Variants in TTN observed in about 807,000 individuals in gnomAD.
TTN encodes the protein titin.
TTN carries 1,525 observed loss-of-function variants against 3,223.0 expected under a neutral mutation model. The ratio of observed to expected loss-of-function variants is 0.47; its 90% CI spans 0.45 to 0.49. The LOEUF (loss-of-function observed/expected upper bound fraction) is 0.49, where lower values mean the gene tolerates loss of function less well. Among genes scored for constraint, TTN ranks in the 20% least tolerant of loss-of-function variants. TTN has a pLI of 0.00. For synonymous variants in TTN, 14,094 were observed against 15,161.0 expected, an observed-to-expected ratio of 0.93 and a Z score of 5.17; for missense variants, 40,786 against 43,424.0, an observed-to-expected ratio of 0.94 and a Z score of 5.40.
At chr2:178,625,203 A>G in intron 241 of TTN, 70 bp downstream of exon 241, 1 of 1,531,922 alleles carries the variant, frequency 6.5e-7, no homozygotes, top group Non-Finnish European at 8.8e-7. Flanking sequence ...TCATATAAAG[A>G]TAATTGAGAG....
At position 178,771,436 on chromosome 2, in the gene TTN, C is replaced by T. The variant is rs766753906; in HGVS notation, c.7891G>A (p.Val2631Ile). 49 of 1,613,776 alleles carry T rather than the reference C, an allele frequency of 3.0e-5. No homozygotes were observed. The highest frequency in any genetic ancestry group is 1.5e-4 in the African/African-American group (11 of 74,898). ...AISKPLTDQT[V>I]AESQEAVFEC... ...AACACAGCTTCCTGGGATTCAGCTA[C>T]GGTCTGATCTGTGAGTGGCTTGGAG... Residue 2631 changes from valine to isoleucine, a missense_variant, in exon 34 of 363, where the codon GTA (valine) becomes ATA (isoleucine). Val to Ile is a conservative substitution (Grantham distance 29). Coordinates refer to ENST00000589042, the MANE Select transcript of TTN (RefSeq NM_001267550.2).
At chr2:178,550,649 TAAC>T (rs1699047992) in intron 336 of TTN, 1 of 418,620 alleles carries the variant, frequency 2.4e-6, no homozygotes, top group East Asian at 5.1e-5. Context: ...TGTATTTTAA[TAAC>T]TTCAGTAAAG....
Position 178,779,446 on chromosome 2 carries a change from G to A in TTN, c.3746C>T (p.Ser1249Phe). Residue 1249 changes from serine to phenylalanine, a missense_variant, in exon 23 of 363, where the codon TCC becomes TTC. Coordinates refer to ENST00000589042, the MANE Select transcript of TTN (RefSeq NM_001267550.2). ...TTCTTTAATAAGTCTCTCTTCAAAGGAAGAAATATGGAATTCCTATGCAAA... is the reference window on the plus strand; with the variant it reads ...TTCTTTAATAAGTCTCTCTTCAAAGAAAGAAATATGGAATTCCTATGCAAA... Reference protein sequence around the residue: ...YVEDQEFHISSFEERLIKEIE... With the variant: ...YVEDQEFHISFFEERLIKEIE... 6.5e-7 allele frequency: 1 copy of A among 1,540,444 alleles called. No homozygotes were observed. Among genetic ancestry groups the A allele is most frequent in the South Asian group, 1.1e-5 (1 of 88,152 alleles).
At position 178,732,061 on chromosome 2, in the gene TTN, C is replaced by A. The variant is rs1448206134; in HGVS notation, c.16903+5G>T. ...GGCAACACAAGAGGCAAAGTGAACA[C>A]AAACCTTTGACTATTACAATGCTAC... is the stretch of plus-strand genomic sequence containing the variant. On this transcript the variant is annotated splice_donor_5th_base_variant and intron_variant, in intron 57 of 362. Coordinates refer to ENST00000589042, the MANE Select transcript of TTN (RefSeq NM_001267550.2). 1.3e-6 allele frequency: 2 copies of A among 1,596,360 alleles called. No individual in the cohort carries two copies. The highest frequency in any genetic ancestry group is 1.1e-5 in the South Asian group (1 of 88,474).
rs1175214219 is a variant in TTN, at chr2:178,635,982, T to C, written c.41589A>G (p.Ser13863=). ...TVENANNLEC[S]SCVKVVEVIR... is the part of the protein sequence containing the mutation. ...ACTAACCTACTACTTTTACGCAAGATGAACACTCCAGGTTGTTGGCGTTTT... is the reference window on the plus strand; with the variant it reads ...ACTAACCTACTACTTTTACGCAAGACGAACACTCCAGGTTGTTGGCGTTTT... Residue 13863 remains serine (S), a synonymous_variant, in exon 226 of 363, where the codon TCA becomes TCG. Coordinates refer to ENST00000589042, the MANE Select transcript of TTN (RefSeq NM_001267550.2). 1.9e-6 allele frequency: 3 copies of C among 1,602,202 alleles called. No homozygotes were observed. The Admixed American group carries it at 5.1e-5, about 27-fold the overall frequency.
rs935055445 is a variant in TTN, at chr2:178,535,006, G to C, written c.101609C>G (p.Ala33870Gly). The C allele has an allele frequency of 4.3e-6, 7 of 1,613,756 alleles. No homozygotes were observed. The highest frequency in any genetic ancestry group is 5.9e-6 in the Non-Finnish European group (7 of 1,179,836). Residue 33870 changes from alanine to glycine, a missense_variant, in exon 358 of 363, where the codon GCT (alanine) becomes GGT (glycine). Ala to Gly is a moderately conservative substitution (Grantham distance 60). Coordinates refer to ENST00000589042, the MANE Select transcript of TTN (RefSeq NM_001267550.2). ...GAGGTGTAAGATGTTTCTATGCCTA[G>C]CAATATTCAGAATGGAAATTTCCTT... The part of the protein sequence containing the change: ...VKKEISILNI[A>G]RHRNILHLHE...
chr2:178,748,901 C>T lies in TTN; in HGVS notation c.11311+4223G>A, dbSNP rs185197881. The T allele has an allele frequency of 3.1e-6, 5 of 1,612,420 alleles. No individual in the cohort carries two copies. In the African/African-American group the frequency reaches 4.0e-5, roughly 13 times the overall value. On this transcript the variant is annotated intron_variant, in intron 47 of 362. Transcript: ENST00000589042. ...ATTTAGATTGCTTGATCTTGATTCT[C>T]TTTGCTTTAATGAAAAGGCTTTGTC...
intron 313 of TTN, 157 bp downstream of exon 313, chr2:178,582,783 T>C (rs2048080561): frequency 3.2e-6 from 3 of 928,300 alleles, no homozygotes. Flanking sequence ...CTAAAGCTCT[T>C]TTTAACTCTA....
In TTN at chr2:178,680,271, ACTT is replaced by A; in HGVS notation, c.33398_33400del (p.Glu11133del). 1.9e-6 allele frequency: 3 copies of A among 1,611,948 alleles called. No homozygotes were observed. Among genetic ancestry groups the A allele is most frequent in the Non-Finnish European group, 2.5e-6 (3 of 1,179,066 alleles). ...TTAGGTACCTCTAACAGGTGGTGCTACTTCTTTTCTAGGGACAGGTACTTTTTC... is the reference window on the plus strand; with the variant it reads ...TTAGGTACCTCTAACAGGTGGTGCTACTTTTCTAGGGACAGGTACTTTTTC... On this transcript the variant is annotated inframe_deletion, in exon 139 of 363. Transcript: ENST00000589042.
intron 244 of TTN, 41 bp from the exon 245 acceptor site, chr2:178,621,782 T>C (rs369244500): frequency 1.1e-5 from 17 of 1,608,350 alleles, no homozygotes; most frequent in African/African-American, 5.4e-5. Context: ...TGAGTTAAGC[T>C]GGAAATTATT....
rs754636426 is a variant in TTN at position 178,620,387 on chromosome 2, A to G, written c.46134T>C (p.Asp15378=). 4.3e-6 allele frequency: 7 copies of G among 1,611,944 alleles called. No individual in the cohort carries two copies. The African/African-American group carries it at 9.4e-5, about 22-fold the overall frequency. Residue 15378 remains aspartate, a synonymous_variant, in exon 248 of 363, where the codon GAT becomes GAC. Transcript: ENST00000589042. ...EGEYIVTAGQ[D]KSVAELLIIE... ...TGATGAGAAGCTCAGCAACAGATTTATCTTGTCCAGCAGTGACAATGTATT... is the reference window on the plus strand; with the variant it reads ...TGATGAGAAGCTCAGCAACAGATTTGTCTTGTCCAGCAGTGACAATGTATT...
chr2:178,774,844 T>C, intron 29 of TTN, 77 bp downstream of exon 29: 1 of 1,547,570 alleles, frequency 6.5e-7, no homozygotes, highest in Non-Finnish European at 8.8e-7. Context: ...AAAGAAAAAT[T>C]GCATAGCTAA....
Position 178,723,611 on chromosome 2 carries a change from G to C in TTN, c.21489C>G (p.Thr7163=), listed in dbSNP as rs376882041. The C allele has an allele frequency of 1.2e-4, 190 of 1,612,960 alleles. No individual in the cohort carries two copies. In the African/African-American group the frequency reaches 2.1e-3, roughly 17 times the overall value. ...NVTFTSVIRG[T]PPFKVNWFRG... Reference sequence around the variant, plus strand: ...TGAACCAGTTGACTTTGAATGGAGGGGTTCCTCTAATAACGCTTGTGAAGG... The same window carrying C: ...TGAACCAGTTGACTTTGAATGGAGGCGTTCCTCTAATAACGCTTGTGAAGG... Residue 7163 remains threonine (T), a synonymous_variant, in exon 74 of 363, where the codon ACC becomes ACG. Transcript: ENST00000589042.
Position 178,551,162 on chromosome 2 carries a change from A to G in TTN, c.91369T>C (p.Tyr30457His). 1 of 1,613,634 alleles carries G rather than the reference A, an allele frequency of 6.2e-7. No homozygotes were observed. Among genetic ancestry groups the G allele is most frequent in the African/African-American group, 1.3e-5 (1 of 75,016 alleles). The change falls in exon 336 of 363, where the codon TAT (tyrosine) becomes CAT (histidine). Residue 30457 changes from tyrosine (Y) to histidine (H), a missense_variant. Tyr to His is a moderately conservative substitution (Grantham distance 83, BLOSUM62 2). Coordinates refer to ENST00000589042, the MANE Select transcript of TTN (RefSeq NM_001267550.2). ...TTTCCTTGCCGTTTCTCAATGCTATAGCCCACAATCTTACTGCCTCCATCA... is the reference window on the plus strand; with the variant it reads ...TTTCCTTGCCGTTTCTCAATGCTATGGCCCACAATCTTACTGCCTCCATCA... ...LRDGGSKIVGYSIEKRQGNER... is the reference protein window; with the variant it reads ...LRDGGSKIVGHSIEKRQGNER...
Position 178,589,333 on chromosome 2 carries a change from A to G in TTN, c.62392T>C (p.Phe20798Leu). 9 of 1,612,872 alleles carry G rather than the reference A, an allele frequency of 5.6e-6. No homozygotes were observed. Among genetic ancestry groups the G allele is most frequent in the Non-Finnish European group, 7.6e-6 (9 of 1,179,222 alleles). Residue 20798 changes from phenylalanine (F) to leucine (L), a missense_variant, in exon 304 of 363, where the codon TTC becomes CTC. Phe to Leu is a conservative substitution (Grantham distance 22). Coordinates refer to ENST00000589042, the MANE Select transcript of TTN (RefSeq NM_001267550.2). ...RLEAGVRGKP[F>L]PEVAWTKDKD... ...TCCTTGGTCCATGCAACTTCTGGGA[A>G]TGGTTTGCCTCTAACCCCTGCCTCA...
rs1407977080 is a variant in TTN, at chr2:178,663,880, A to G, written c.36387T>C (p.Val12129=). 2 of 1,613,458 alleles carry G rather than the reference A, an allele frequency of 1.2e-6. No homozygotes were observed. Among genetic ancestry groups the G allele is most frequent in the African/African-American group, 1.3e-5 (1 of 75,048 alleles). Residue 12129 remains valine, a synonymous_variant, in exon 170 of 363, where the codon GTT becomes GTC. Coordinates refer to ENST00000589042, the MANE Select transcript of TTN (RefSeq NM_001267550.2). The part of the protein sequence containing the change: ...PVKVPEASKE[V]IREEKVPLAP... Reference sequence around the variant, plus strand: ...CCAAGGGCACTTTCTCTTCGCGGATAACCTCTTTGGAAGCTTCTGGCACTT... The same window carrying G: ...CCAAGGGCACTTTCTCTTCGCGGATGACCTCTTTGGAAGCTTCTGGCACTT...
chr2:178,551,119 C>T lies in TTN; in HGVS notation c.91412G>A (p.Cys30471Tyr). The change falls in exon 336 of 363, where the codon TGC (cysteine) becomes TAC (tyrosine). Residue 30471 changes from cysteine (C) to tyrosine (Y), a missense_variant. Physicochemically the swap from Cys to Tyr is radical, Grantham distance 194. Transcript: ENST00000589042. The stretch of plus-strand genomic sequence containing the variant: ...ACATTCACTGACGTCAGTAAAGTTG[C>T]ATCTCACCCAGCGTTCATTTCCTTG... ...KRQGNERWVR[C>Y]NFTDVSECQY... is the part of the protein sequence containing the mutation. The T allele has an allele frequency of 6.2e-7, 1 of 1,613,494 alleles. No individual in the cohort carries two copies. The highest frequency in any genetic ancestry group is 1.1e-5 in the South Asian group (1 of 91,048).
rs757944467 is a variant in TTN, at chr2:178,738,313, C to T, written c.14140G>A (p.Gly4714Ser). 2 of 1,613,406 alleles carry T rather than the reference C, an allele frequency of 1.2e-6. No individual in the cohort carries two copies. The highest frequency in any genetic ancestry group is 1.7e-6 in the Non-Finnish European group (2 of 1,179,636). Residue 4714 changes from glycine (G) to serine (S), a missense_variant, in exon 49 of 363, where the codon GGC (glycine) becomes AGC (serine). By Grantham distance (56) the Gly-to-Ser change is moderately conservative (BLOSUM62 0). Coordinates refer to ENST00000589042, the MANE Select transcript of TTN (RefSeq NM_001267550.2). The part of the protein sequence containing the change: ...RKIEPLEVAL[G>S]HLAKFTCEIQ... Reference sequence around the variant, plus strand: ...TCACAGGTGAATTTGGCTAGGTGGCCCAGTGCTACTTCCAGGGGTTCGATT... The same window carrying T: ...TCACAGGTGAATTTGGCTAGGTGGCTCAGTGCTACTTCCAGGGGTTCGATT...
In TTN at chr2:178,753,417, T is replaced by C. The variant is rs1457259987; in HGVS notation, c.11255-237A>G. The C allele has an allele frequency of 4.6e-5, 19 of 409,900 alleles. 1 individual carries two copies. The highest frequency in any genetic ancestry group is 8.8e-6 in the Non-Finnish European group (2 of 227,216). 25.4% of individuals were successfully genotyped at this position (409,900 alleles called of 1,614,324 possible). On this transcript the variant is annotated intron_variant, in intron 46 of 362. Transcript: ENST00000589042. ...AGGTTCTTCATGAAATTTCCACTTT[T>C]AGTTCTATAATTCCCCATGCCTTTA...
Sources: allele counts gnomAD v4.1 joint callset, GRCh38; gene constraint gnomAD v4.1.1; transcripts MANE v1.5; gene names NCBI Gene and HGNC (gene_info 2026-07-23, HGNC 2026-07-21).